UVSSA: variants seen among roughly 807,000 people sequenced by gnomAD.
The protein encoded by UVSSA is UV stimulated scaffold protein A, also known as UV-stimulated scaffold protein A.
A neutral mutation model predicts 73.9 loss-of-function variants in UVSSA; 72 were observed. The observed-to-expected ratio is 0.97, with a 90% confidence interval of 0.81 to 1.19. The LOEUF is 1.19. Among genes scored for constraint, UVSSA ranks in the 50% most tolerant of loss-of-function variants. The pLI, the probability that UVSSA is intolerant of heterozygous loss-of-function variation, is 0.00. For missense variants in UVSSA, 1,150 were observed against 965.0 expected (o/e 1.19, Z -2.54); for synonymous variants, 454 against 391.3 (o/e 1.16, Z -1.89).
rs1720096117 is a variant in UVSSA at position 1,386,160 on chromosome 4, G to GGCCTC, written c.*202_*206dup. 1 of 603,570 alleles carries GGCCTC rather than the reference G, an allele frequency of 1.7e-6. No homozygotes were observed. The highest frequency in any genetic ancestry group is 1.9e-5 in the South Asian group (1 of 51,738). 37.4% of individuals were successfully genotyped at this position (603,570 alleles called of 1,614,324 possible). On this transcript the variant is annotated 3_prime_UTR_variant, in exon 14 of 14. Coordinates refer to ENST00000389851, the MANE Select transcript of UVSSA (RefSeq NM_020894.4). ...TTCGGCATCGTCTGGTGATGGGTCTGGCCTCGCAGAAGAGGCCCTCGGGCC... is the reference window on the plus strand; with the variant it reads ...TTCGGCATCGTCTGGTGATGGGTCTGGCCTCGCCTCGCAGAAGAGGCCCTCGGGCC...
intron 10 of UVSSA, among the ~76,000 whole-genome samples, chr4:1,376,639 C>T (rs1718804034): frequency 1.3e-5 from 2 of 152,216 alleles, no homozygotes; most frequent in South Asian, 4.1e-4. Context: ...CCCCTCTGCA[C>T]CCCTCACCGC....
chr4:1,374,630 T>C lies in UVSSA; in HGVS notation c.1289-734T>C, dbSNP rs73793391. Among the ~76,000 whole-genome samples the C allele has an allele frequency of 2.5e-3, 374 of 152,278 alleles. 4 individuals carry two copies. The highest frequency in any genetic ancestry group is 8.6e-3 in the African/African-American group (359 of 41,570). ...CTTGCTGGCGGCGGGGCGGACCCTC[T>C]TCGACGGGCACTCCGGGACGGCATC... On this transcript the variant is annotated intron_variant, in intron 8 of 13. Transcript: ENST00000389851.
At chr4:1,352,560 T>C (rs1305354142) in intron 4 of UVSSA, among the ~76,000 whole-genome samples, 2 of 152,238 alleles carry the variant, frequency 1.3e-5, no homozygotes, top group African/African-American at 4.8e-5. Flanking sequence ...GCAGGTGGGC[T>C]GACCTCCCCT....
Position 1,380,138 on chromosome 4 carries a change from A to G in UVSSA, c.1660A>G (p.Ile554Val). Reference protein sequence around the residue: ...DISEMLRSRHITFAGKFEPVQ... With the variant: ...DISEMLRSRHVTFAGKFEPVQ... Reference sequence around the variant, plus strand: ...CTCCGAGATGCTCCGGAGCCGCCACATCACTTTTGCCGGGAAGTTTGAGCC... The same window carrying G: ...CTCCGAGATGCTCCGGAGCCGCCACGTCACTTTTGCCGGGAAGTTTGAGCC... Residue 554 changes from isoleucine to valine, a missense_variant, in exon 11 of 14, where the codon ATC (isoleucine) becomes GTC (valine). Ile to Val is a conservative substitution (Grantham distance 29). Coordinates refer to ENST00000389851, the MANE Select transcript of UVSSA (RefSeq NM_020894.4). The G allele has an allele frequency of 1.9e-6, 3 of 1,613,268 alleles. No individual in the cohort carries two copies. The highest frequency in any genetic ancestry group is 2.2e-5 in the South Asian group (2 of 91,070).
At chr4:1,345,604 C>T (rs1203760834), upstream of UVSSA, among the ~76,000 whole-genome samples, 3 of 137,554 alleles carry the variant, frequency 2.2e-5, no homozygotes, top group South Asian at 2.3e-4. Flanking sequence ...GCGATCGTGC[C>T]ACTGCACTCC....
At chr4:1,368,322 CAAA>C (rs1231420779) in intron 8 of UVSSA, among the ~76,000 whole-genome samples, 3 of 152,238 alleles carry the variant, frequency 2.0e-5, no homozygotes, top group Admixed American at 6.5e-5. Context: ...TGTGGCGTCT[CAAA>C]AGCAGAAATC....
At chr4:1,349,243 C>T (rs534770958) in intron 2 of UVSSA, among the ~76,000 whole-genome samples, 5 of 152,280 alleles carry the variant, frequency 3.3e-5, no homozygotes, top group South Asian at 2.1e-4. Flanking sequence ...GAATGAACAC[C>T]GACATTTGAA....
chr4:1,353,162 GCTC>G lies in UVSSA; in HGVS notation c.689_691del (p.Ser230del), dbSNP rs1715060476. The G allele has an allele frequency of 6.2e-7, 1 of 1,612,900 alleles. No individual in the cohort carries two copies. The highest frequency in any genetic ancestry group is 1.7e-5 in the Admixed American group (1 of 60,028). On this transcript the variant is annotated inframe_deletion, in exon 5 of 14. Coordinates refer to ENST00000389851, the MANE Select transcript of UVSSA (RefSeq NM_020894.4). ...GCTTCTGGCATGTCCGATGCCCTTC[GCTC>G]CTCCTGCGCGGGCCAGGTGGGCCCC...
At chr4:1,383,061 G>A (rs1313417776) in intron 12 of UVSSA, among the ~76,000 whole-genome samples, 2 of 152,218 alleles carry the variant, frequency 1.3e-5, no homozygotes, top group African/African-American at 4.8e-5. Flanking sequence ...GGGCCTCAGT[G>A]CCATCTGCAC....
rs142082442 is a variant in UVSSA, at chr4:1,376,510, G to A, written c.1568+342G>A. ...AGTTTGTCCTGCTTCAGGACTGCAC[G>A]GTTGGCTGAGGCCTGGGGCTTCCTG... On this transcript the variant is annotated intron_variant, in intron 10 of 13. Coordinates refer to ENST00000389851, the MANE Select transcript of UVSSA (RefSeq NM_020894.4). Among the ~76,000 whole-genome samples the A allele has an allele frequency of 2.6e-3, 392 of 152,336 alleles. 2 individuals carry two copies. The highest frequency in any genetic ancestry group is 9.1e-3 in the African/African-American group (377 of 41,570).
chr4:1,394,017 A>G (rs1246915697), exon 14 of UVSSA: 3 of 233,030 alleles, frequency 1.3e-5, no homozygotes, highest in South Asian at 6.1e-5. Context: ...TCAGCGCTCC[A>G]TCGCGGTTCT....
chr4:1,379,986 C>T (rs889044188), intron 10 of UVSSA, 61 bp from the exon 11 acceptor site: 27 of 1,522,836 alleles, frequency 1.8e-5, no homozygotes, highest in East Asian at 1.2e-4. Flanking sequence ...CCTGCACCAC[C>T]GTGGCCACGC....
chr4:1,394,738 C>G, exon 14 of UVSSA: 1 of 1,594,626 alleles, frequency 6.3e-7, no homozygotes, highest in Non-Finnish European at 8.5e-7. Flanking sequence ...GAGTGCCCAC[C>G]TGCTCATGTG....
At chr4:1,344,804 G>A (rs1473940727), upstream of UVSSA, among the ~76,000 whole-genome samples, 1 of 152,206 alleles carries the variant, frequency 6.6e-6, no homozygotes, top group East Asian at 1.9e-4. Flanking sequence ...GAAAACGGAT[G>A]GGGGGTGTTG....
In UVSSA at chr4:1,349,581, G is replaced by T. The variant is rs953323214; in HGVS notation, c.156G>T (p.Gln52His). Residue 52 changes from glutamine to histidine, a missense_variant, in exon 3 of 14, where the codon CAG (glutamine) becomes CAT (histidine). Transcript: ENST00000389851. ...AYRLLIAQLTQEHAEIRLSAF... is the reference protein window; with the variant it reads ...AYRLLIAQLTHEHAEIRLSAF... ...GCCTGCTGATAGCACAGCTGACCCA[G>T]GAGCACGCCGAGATCCGTCTCTCAG... 6.2e-7 allele frequency: 1 copy of T among 1,613,964 alleles called. No homozygotes were observed. The highest frequency in any genetic ancestry group is 8.5e-7 in the Non-Finnish European group (1 of 1,180,038).
Position 1,394,888 on chromosome 4 carries a change from G to A in UVSSA, c.*8927G>A, listed in dbSNP as rs201042489. Reference sequence around the variant, plus strand: ...TCACACGTGCCGATGCGGAGTGCCCGCCTGCTCACACGTGCCCATGCGGAG... The same window carrying A: ...TCACACGTGCCGATGCGGAGTGCCCACCTGCTCACACGTGCCCATGCGGAG... On this transcript the variant is annotated 3_prime_UTR_variant, in exon 14 of 14. Coordinates refer to the UVSSA transcript ENST00000511216. The A allele has an allele frequency of 2.1e-5, 31 of 1,480,108 alleles. No homozygotes were observed. The East Asian group carries it at 3.9e-4, about 19-fold the overall frequency. The allele number at this position is 1,480,108 out of a possible 1,614,324, so 91.7% of individuals were successfully genotyped here.
Position 1,353,163 on chromosome 4 carries a change from C to T in UVSSA, c.684C>T (p.Arg228=). Residue 228 remains arginine (R), a synonymous_variant, in exon 5 of 14, where the codon CGC becomes CGT. Coordinates refer to ENST00000389851, the MANE Select transcript of UVSSA (RefSeq NM_020894.4). ...CTTCTGGCATGTCCGATGCCCTTCG[C>T]TCCTCCTGCGCGGGCCAGGTGGGCC... ...GMASGMSDAL[R]SSCAGQVGPC... is the part of the protein sequence containing the mutation. 1.2e-6 allele frequency: 2 copies of T among 1,612,980 alleles called. No homozygotes were observed. Among genetic ancestry groups the T allele is most frequent in the Non-Finnish European group, 1.7e-6 (2 of 1,180,000 alleles).
At chr4:1,351,042 A>C (rs930566847) in intron 3 of UVSSA, among the ~76,000 whole-genome samples, 1 of 152,002 alleles carries the variant, frequency 6.6e-6, no homozygotes, top group Non-Finnish European at 1.5e-5. Flanking sequence ...AGTAGCTGGG[A>C]CTACAGGCAC....
At position 1,351,619 on chromosome 4, in the gene UVSSA, G is replaced by A. The variant is rs189739154; in HGVS notation, c.430-96G>A. On this transcript the variant is annotated intron_variant, in intron 3 of 13. Transcript: ENST00000389851. ...TTAGCCAGGATGGTCTCGATCTCCTGACCTCGTGATCTGCCTGCCTCAGCC... is the reference window on the plus strand; with the variant it reads ...TTAGCCAGGATGGTCTCGATCTCCTAACCTCGTGATCTGCCTGCCTCAGCC... 1.4e-3 allele frequency: 1,838 copies of A among 1,327,626 alleles called. 26 individuals carry two copies. The highest frequency in any genetic ancestry group is 1.6e-4 in the Non-Finnish European group (150 of 958,644). The allele number at this position is 1,327,626 out of a possible 1,614,324, so 82.2% of individuals were successfully genotyped here. A position where few individuals can be genotyped will look rare whatever the true frequency, so the allele number is the denominator to read the frequency against.
Sources: allele counts gnomAD v4.1 joint callset (sites outside exome capture counted in the v4.1 genomes callset), GRCh38; gene constraint gnomAD v4.1.1; transcripts MANE v1.5; gene names NCBI Gene and HGNC (gene_info 2026-07-23, HGNC 2026-07-21).